PRKCH: variants seen among roughly 807,000 people sequenced by gnomAD.
PRKCH encodes protein kinase C eta, also known as protein kinase C eta type.
A neutral mutation model predicts 82.5 loss-of-function variants in PRKCH; 28 were observed. That is an observed-to-expected ratio of 0.34 (90% CI 0.25 to 0.47). PRKCH has a LOEUF of 0.47. Among genes scored for constraint, PRKCH ranks in the 20% least tolerant of loss-of-function variants. PRKCH has a pLI of 1.00. For missense variants in PRKCH, 705 were observed against 881.8 expected (o/e 0.80, Z 2.54); for synonymous variants, 322 against 327.4 (o/e 0.98, Z 0.18).
intron 1 of PRKCH, among the ~76,000 whole-genome samples, chr14:61,269,855 C>T (rs2045136837): frequency 6.6e-6 from 1 of 152,212 alleles, no homozygotes; most frequent in Admixed American, 6.5e-5. Flanking sequence ...TCGCTGCAGT[C>T]AGGCTCCGGC....
chr14:61,438,634 A>G (rs1487808882), intron 2 of PRKCH, among the ~76,000 whole-genome samples: 1 of 152,242 alleles, frequency 6.6e-6, no homozygotes, highest in Non-Finnish European at 1.5e-5. Context: ...ACAGAATCAC[A>G]GCAACCGAGA....
At chr14:61,347,793 C>T (rs2046015643) in intron 1 of PRKCH, 1 of 152,414 alleles carries the variant, frequency 6.6e-6, no homozygotes, top group Admixed American at 6.6e-5. Context: ...TGTTTTACAC[C>T]ATGAGCATTG....
chr14:61,232,403 T>C (rs1004909818), intron 1 of PRKCH, among the ~76,000 whole-genome samples: 2 of 152,206 alleles, frequency 1.3e-5, no homozygotes, highest in African/African-American at 2.4e-5. Flanking sequence ...TTATTTTTAA[T>C]AGAGACAGGG....
At position 61,488,640 on chromosome 14, in the gene PRKCH, G is replaced by A. The variant is rs529658358; in HGVS notation, c.1433+2984G>A. Among the ~76,000 whole-genome samples, 51 of 152,326 alleles carry A rather than the reference G, an allele frequency of 3.3e-4. No individual in the cohort carries two copies. The South Asian group carries it at 7.5e-3, about 22-fold the overall frequency. ...CACTTCAATTCCTGAAAATAAGGTA[G>A]AGTGGGCAAAAGCAATTCAGTCTTA... On this transcript the variant is annotated intron_variant, in intron 10 of 13. Coordinates refer to ENST00000332981, the MANE Select transcript of PRKCH (RefSeq NM_006255.5).
intron 1 of PRKCH, among the ~76,000 whole-genome samples, chr14:61,241,373 C>A (rs1294108472): frequency 6.6e-6 from 1 of 152,172 alleles, no homozygotes; most frequent in Non-Finnish European, 1.5e-5. Flanking sequence ...TTGATTAAAT[C>A]ATTGATCATT....
At chr14:61,394,811 G>A (rs1051735045) in intron 2 of PRKCH, among the ~76,000 whole-genome samples, 11 of 152,180 alleles carry the variant, frequency 7.2e-5, no homozygotes, top group Non-Finnish European at 1.2e-4. Flanking sequence ...ATTGTGAGAT[G>A]AGTTGAGTTT....
intron 10 of PRKCH, chr14:61,527,888 T>TC (rs35875223): frequency 0.98 from 149,789 of 152,420 alleles, 73,653 homozygotes; most frequent in East Asian, 1. Flanking sequence ...GCCTTCTCAC[T>TC]CCCCTTCTCT....
intron 7 of PRKCH, among the ~76,000 whole-genome samples, chr14:61,455,486 TA>T (rs1353180341): frequency 6.6e-6 from 1 of 152,200 alleles, no homozygotes; most frequent in East Asian, 1.9e-4. Flanking sequence ...ACCTATTATG[TA>T]AAAAAATGTA....
rs1491441340 is a variant in PRKCH at position 61,487,842 on chromosome 14, AAC to A, written c.1433+2188_1433+2189del. 9.9e-5 allele frequency among the ~76,000 whole-genome samples: 15 copies of A among 151,368 alleles called. No homozygotes were observed. In the South Asian group the frequency reaches 2.3e-3, roughly 23 times the overall value. On this transcript the variant is annotated intron_variant, in intron 10 of 13. Transcript: ENST00000332981. ...ACCCCTATCTCTACAAAAAAAAAAA[AAC>A]ATATACATATATGTTAAAAAATTAG...
chr14:61,357,125 G>T (rs2046160996), intron 1 of PRKCH, among the ~76,000 whole-genome samples: 1 of 152,190 alleles, frequency 6.6e-6, no homozygotes, highest in African/African-American at 2.4e-5. Flanking sequence ...TGGCATATCT[G>T]CACATCTGCC....
intron 1 of PRKCH, among the ~76,000 whole-genome samples, chr14:61,242,790 ATTTATAAT>A (rs2044850161): frequency 6.6e-6 from 1 of 152,172 alleles, no homozygotes; most frequent in African/African-American, 2.4e-5. Context: ...TATAATTGTA[ATTTATAAT>A]TTTATAATTT....
chr14:61,380,492 A>G (rs973477265), intron 1 of PRKCH, among the ~76,000 whole-genome samples: 4 of 151,656 alleles, frequency 2.6e-5, no homozygotes, highest in Non-Finnish European at 4.4e-5. Flanking sequence ...CTTCAGGAGA[A>G]CTCACCCCAC....
At chr14:61,492,724 G>A (rs759431187) in intron 10 of PRKCH, among the ~76,000 whole-genome samples, 1 of 152,064 alleles carries the variant, frequency 6.6e-6, no homozygotes, top group Non-Finnish European at 1.5e-5. Context: ...TAGATGAGAT[G>A]TCTGCCCTTT....
chr14:61,260,143 A>G lies in PRKCH; in HGVS notation c.-19+72475A>G, dbSNP rs117861494. Among the ~76,000 whole-genome samples the G allele has an allele frequency of 2.6e-3, 399 of 152,358 alleles. 3 individuals are homozygous for G. Among genetic ancestry groups the G allele is most frequent in the Non-Finnish European group, 2.3e-3 (156 of 68,038 alleles). ...TACATGTCTAAATAATATAACTGAT[A>G]TTAAGGTTCTAGCTTTACAGGTGAT... On this transcript the variant is annotated intron_variant, in intron 1 of 3. Transcript: ENST00000555185.
chr14:61,269,177 T>A (rs573813126), intron 1 of PRKCH, among the ~76,000 whole-genome samples: 1 of 152,186 alleles, frequency 6.6e-6, no homozygotes, highest in African/African-American at 2.4e-5. Context: ...TGTGAAAAAG[T>A]TTTTTTAGAG....
chr14:61,207,146 A>C, intron 1 of PRKCH, among the ~76,000 whole-genome samples: 3 of 129,958 alleles, frequency 2.3e-5, no homozygotes, highest in African/African-American at 5.7e-5. Flanking sequence ...ATGTACTGAC[A>C]TCCCCTAAGG....
intron 12 of PRKCH, among the ~76,000 whole-genome samples, chr14:61,538,793 A>C (rs1340274584): frequency 6.6e-6 from 1 of 152,164 alleles, no homozygotes; most frequent in Non-Finnish European, 1.5e-5. Flanking sequence ...AAAGGTCAGT[A>C]ATTTGGGGCA....
intron 1 of PRKCH, among the ~76,000 whole-genome samples, chr14:61,323,971 C>T (rs547397810): frequency 2.0e-5 from 3 of 152,192 alleles, no homozygotes; most frequent in African/African-American, 7.2e-5. Flanking sequence ...TGAGAAGCAT[C>T]TCTTCCTGGA....
chr14:61,392,285 GA>G (rs1377751511), intron 2 of PRKCH, among the ~76,000 whole-genome samples: 1 of 152,028 alleles, frequency 6.6e-6, no homozygotes, highest in East Asian at 1.9e-4. Flanking sequence ...TATAGGAGTG[GA>G]ATTGCTGGGT....
Sources: allele counts gnomAD v4.1 joint callset (sites outside exome capture counted in the v4.1 genomes callset), GRCh38; gene constraint gnomAD v4.1.1; transcripts MANE v1.5; gene names NCBI Gene and HGNC (gene_info 2026-07-23, HGNC 2026-07-21).